Variants in RBM10 observed in about 807,000 individuals in gnomAD.
RBM10 encodes RNA binding motif protein 10.
Under a neutral mutation model 84.9 loss-of-function variants are expected in RBM10, and 1 was observed. That is an observed-to-expected ratio of 0.01 (90% CI 0.00 to 0.06). RBM10 has a LOEUF of 0.06. RBM10 is among the 10% of genes least tolerant of loss of function. The pLI is 1.00. For synonymous variants in RBM10, 326 were observed against 344.5 expected (o/e 0.95, Z 0.60); for missense variants, 438 against 839.0 (o/e 0.52, Z 5.90).
rs1569184626 is a variant in RBM10 at position 47,171,126 on chromosome X, C to T, written c.300C>T (p.Gly100=). The change falls in exon 4 of 24, where the codon GGC becomes GGT. Residue 100 remains glycine (G), a synonymous_variant. Transcript: ENST00000377604. ...GCCCGCCAGGCTTCCCCCGAGACGG[C>T]GACTATCGGGACCAGGACTATCGGA... ...PTGPPGFPRD[G]DYRDQDYRTE... is the part of the protein sequence containing the mutation. 3 of 1,210,594 alleles carry T rather than the reference C, an allele frequency of 2.5e-6. No individual in the cohort carries two copies. The highest frequency in any genetic ancestry group is 3.4e-6 in the Non-Finnish European group (3 of 895,127).
At chrX:47,160,964 T>G (rs972742739) in intron 2 of RBM10, among the ~76,000 whole-genome samples, 14 of 111,832 alleles carry the variant, frequency 1.3e-4, no homozygotes, top group Non-Finnish European at 7.5e-5. Context: ...AATTAATTTT[T>G]TTTTTGAAAC....
chrX:47,181,236 A>G lies in RBM10; in HGVS notation c.1270A>G (p.Thr424Ala), dbSNP rs1556778994. Residue 424 changes from threonine (T) to alanine (A), a missense_variant, in exon 13 of 24, where the codon ACC (threonine) becomes GCC (alanine). This residue lies in a region of RBM10 where 33 missense variants were observed against 115.0 expected (regional missense o/e 0.29). Coordinates refer to ENST00000377604, the MANE Select transcript of RBM10 (RefSeq NM_005676.5). ...TCAGGCCTCCCAAGGTGGGGAGGGT[A>G]CCTGGGCCACCTCCGAGGAGCCGCC... The part of the protein sequence containing the change: ...ISQASQGGEG[T>A]WATSEEPPVD... 1 of 1,153,601 alleles carries G rather than the reference A, an allele frequency of 8.7e-7. No homozygotes were observed. Among genetic ancestry groups the G allele is most frequent in the Admixed American group, 2.7e-5 (1 of 36,574 alleles).
In RBM10 at chrX:47,186,722, G is replaced by T; in HGVS notation, c.*123G>T. 1.1e-6 allele frequency: 1 copy of T among 920,906 alleles called. No homozygotes were observed. Among genetic ancestry groups the T allele is most frequent in the Non-Finnish European group, 1.6e-6 (1 of 643,384 alleles). 75.9% of individuals were successfully genotyped at this position (920,906 alleles called of 1,213,427 possible). A position where few individuals can be genotyped will look rare whatever the true frequency, so the allele number is the denominator to read the frequency against. On this transcript the variant is annotated 3_prime_UTR_variant, in exon 24 of 24. Transcript: ENST00000377604. ...GCCAGCCCACTCCCCAGCCAGAGAG[G>T]GCTTGACCAAATCAAATTGAGGTGG...
chrX:47,184,966 G>C (rs1935799363), intron 17 of RBM10, 89 bp from the exon 18 acceptor site: 27 of 1,054,132 alleles, frequency 2.6e-5, no homozygotes, highest in Non-Finnish European at 3.5e-5. Context: ...GCCCGTGTTT[G>C]AGGATGCAGG....
chrX:47,183,571 G>A (rs571866050), intron 17 of RBM10, among the ~76,000 whole-genome samples: 1 of 110,182 alleles, frequency 9.1e-6, no homozygotes, highest in South Asian at 3.9e-4. Context: ...ATGGGAGGGG[G>A]TGAAGGATGA....
At chrX:47,178,071 C>A (rs1935266818) in intron 7 of RBM10, among the ~76,000 whole-genome samples, 1 of 111,288 alleles carries the variant, frequency 9.0e-6, no homozygotes, top group Non-Finnish European at 1.9e-5. Flanking sequence ...ACTGTGGAGC[C>A]CTCTCTGGTA....
intron 2 of RBM10, among the ~76,000 whole-genome samples, chrX:47,149,911 C>T (rs1449623964): frequency 9.4e-6 from 1 of 106,148 alleles, no homozygotes; most frequent in African/African-American, 3.5e-5. Context: ...ACCTCCACCT[C>T]CCAGGTTCAA....
At chrX:47,175,648 G>A (rs1013855383) in intron 6 of RBM10, among the ~76,000 whole-genome samples, 12 of 111,040 alleles carry the variant, frequency 1.1e-4, no homozygotes, top group Non-Finnish European at 1.9e-4. Context: ...TAGTTTTATC[G>A]ACACCCTGGC....
intron 2 of RBM10, among the ~76,000 whole-genome samples, chrX:47,160,872 T>C (rs1556766577): frequency 8.9e-6 from 1 of 112,398 alleles, no homozygotes; most frequent in East Asian, 2.8e-4. Flanking sequence ...TGCAGGACTG[T>C]CTCTGTTGCA....
rs185451609 is a variant in RBM10 at position 47,172,715 on chromosome X, G to A, written c.433-413G>A. Among the ~76,000 whole-genome samples, 57 of 112,403 alleles carry A rather than the reference G, an allele frequency of 5.1e-4. 1 individual carries two copies. The Admixed American group carries it at 5.2e-3, about 10-fold the overall frequency. Reference sequence around the variant, plus strand: ...AGCTGCAGGTCAGCAGGGCAGGGGCGGGGGTGCGGGTTATCCCCTTGCCAA... The same window carrying A: ...AGCTGCAGGTCAGCAGGGCAGGGGCAGGGGTGCGGGTTATCCCCTTGCCAA... On this transcript the variant is annotated intron_variant, in intron 4 of 23. Coordinates refer to ENST00000377604, the MANE Select transcript of RBM10 (RefSeq NM_005676.5).
At chrX:47,157,874 G>A (rs900259008) in intron 2 of RBM10, 8 of 291,604 alleles carry the variant, frequency 2.7e-5, no homozygotes, top group Admixed American at 5.4e-5. Flanking sequence ...CTGCCCCCCA[G>A]GTTCAAGCGA....
At chrX:47,175,144 G>C (rs1556775545) in intron 6 of RBM10, 52 bp downstream of exon 6, 1 of 1,047,661 alleles carries the variant, frequency 9.5e-7, no homozygotes, top group Non-Finnish European at 1.3e-6. Flanking sequence ...CTTTGTAATC[G>C]AGCGCTCCCC....
At chrX:47,180,368 C>T (rs2147178865) in intron 11 of RBM10, 51 bp from the exon 12 acceptor site, 1 of 1,162,570 alleles carries the variant, frequency 8.6e-7, no homozygotes. Context: ...CCACTCCCCC[C>T]TACCGCTTGG....
intron 2 of RBM10, chrX:47,157,869 C>T (rs1040125400): frequency 3.3e-6 from 1 of 300,243 alleles, no homozygotes; most frequent in Non-Finnish European, 5.9e-6. Flanking sequence ...AACCTCTGCC[C>T]CCCAGGTTCA....
intron 2 of RBM10, among the ~76,000 whole-genome samples, chrX:47,148,286 T>C (rs1310443575): frequency 1.8e-5 from 2 of 112,741 alleles, no homozygotes; most frequent in Non-Finnish European, 3.7e-5. Context: ...TATTCAGTCT[T>C]GGCTTTCATT....
chrX:47,178,015 T>C (rs1935261197), intron 7 of RBM10, among the ~76,000 whole-genome samples: 1 of 111,100 alleles, frequency 9.0e-6, no homozygotes, highest in African/African-American at 3.3e-5. Context: ...CTTCCCTCCC[T>C]CGCCATTCCC....
intron 3 of RBM10, among the ~76,000 whole-genome samples, chrX:47,170,552 G>A (rs1934571227): frequency 8.9e-6 from 1 of 112,875 alleles, no homozygotes; most frequent in African/African-American, 3.2e-5. Context: ...CTGCTGCCTG[G>A]CTCTGGCTGA....
Position 47,186,123 on chromosome X carries a change from C to T in RBM10, c.2489C>T (p.Pro830Leu), listed in dbSNP as rs2147223322. The change falls in exon 22 of 24, where the codon CCG (proline) becomes CTG (leucine). Residue 830 changes from proline (P) to leucine (L), a missense_variant. Physicochemically the swap from Pro to Leu is moderately conservative, Grantham distance 98. Transcript: ENST00000377604. ...ERREKYGIPE[P>L]PEPKRRKYGG... ...AGAGAAAAGTATGGCATCCCCGAGC[C>T]GCCAGAGCCCAAGAGGAGGAAGTAC... The T allele has an allele frequency of 2.5e-6, 3 of 1,212,644 alleles. No homozygotes were observed. The highest frequency in any genetic ancestry group is 3.3e-6 in the Non-Finnish European group (3 of 895,701).
chrX:47,147,757 G>A (rs1052390921), intron 2 of RBM10, among the ~76,000 whole-genome samples: 17 of 110,929 alleles, frequency 1.5e-4, no homozygotes, highest in African/African-American at 5.6e-4. Flanking sequence ...GCAGTTAACG[G>A]GTGGGAGGTT....
Sources: gnomAD v4.1 joint callset for allele counts (sites outside exome capture counted in the v4.1 genomes callset) on GRCh38, gnomAD v4.1.1 for gene constraint, gnomAD v4.1.1 regional missense constraint, MANE v1.5 for transcripts, NCBI Gene and HGNC (gene_info 2026-07-23, HGNC 2026-07-21) for gene names.